The following CSMD1 variants were observed in gnomAD, a reference collection of about 807,000 sequenced individuals.
The protein encoded by CSMD1 is CUB and sushi domain-containing protein 1.
A neutral mutation model predicts 417.5 loss-of-function variants in CSMD1; 213 were observed. That is an observed-to-expected ratio of 0.51 (90% CI 0.46 to 0.57). The LOEUF is 0.57. Among genes scored for constraint, CSMD1 ranks in the 20% least tolerant of loss-of-function variants. CSMD1 has a pLI of 0.00. For missense variants in CSMD1, 6,923 were observed against 4,529.7 expected, an observed-to-expected ratio of 1.53 and a Z score of -15.17; for synonymous variants, 2,862 against 1,736.8, an observed-to-expected ratio of 1.65 and a Z score of -16.11.
chr8:3,358,561 A>G (rs1808949493), intron 21 of CSMD1, among the ~76,000 whole-genome samples: 1 of 152,126 alleles, frequency 6.6e-6, no homozygotes, highest in Non-Finnish European at 1.5e-5. Flanking sequence ...TGAGCCTAGT[A>G]CTTCATGGCA....
At chr8:3,368,136 A>T (rs575715400) in intron 19 of CSMD1, among the ~76,000 whole-genome samples, 1 of 152,256 alleles carries the variant, frequency 6.6e-6, no homozygotes, top group East Asian at 1.9e-4. Flanking sequence ...ATGATTATAA[A>T]ACTTTGATCA....
chr8:4,365,186 TA>T (rs1312245838), intron 3 of CSMD1, among the ~76,000 whole-genome samples: 1 of 152,202 alleles, frequency 6.6e-6, no homozygotes, highest in Admixed American at 6.5e-5. Flanking sequence ...TTGCTCACAA[TA>T]AATATTTGCA....
intron 1 of CSMD1, among the ~76,000 whole-genome samples, chr8:4,663,701 G>T (rs1488365502): frequency 6.6e-6 from 1 of 152,130 alleles, no homozygotes; most frequent in African/African-American, 2.4e-5. Flanking sequence ...CTACAGAACC[G>T]CAGGTCAACT....
At chr8:4,605,520 A>G (rs1800819689) in intron 2 of CSMD1, among the ~76,000 whole-genome samples, 1 of 152,236 alleles carries the variant, frequency 6.6e-6, no homozygotes, top group Admixed American at 6.5e-5. Flanking sequence ...CAGGAAACAG[A>G]GTTAACAGAA....
chr8:4,150,906 T>C (rs1335030880), intron 3 of CSMD1, among the ~76,000 whole-genome samples: 1 of 67,788 alleles, frequency 1.5e-5, no homozygotes, highest in African/African-American at 5.3e-5. Flanking sequence ...AGAGCAATGT[T>C]TTGTTCCCTC....
At chr8:3,673,697 G>A (rs1799209903) in intron 7 of CSMD1, among the ~76,000 whole-genome samples, 1 of 152,154 alleles carries the variant, frequency 6.6e-6, no homozygotes, top group South Asian at 2.1e-4. Context: ...CCAATCAGCT[G>A]GCTTGCTGCA....
intron 5 of CSMD1, among the ~76,000 whole-genome samples, chr8:3,874,611 G>C (rs1037821306): frequency 2.0e-5 from 3 of 152,132 alleles, no homozygotes; most frequent in East Asian, 1.9e-4. Context: ...AGTAGATTAA[G>C]TCTCACATGT....
At chr8:3,826,250 G>C (rs1052363757) in intron 5 of CSMD1, among the ~76,000 whole-genome samples, 1 of 152,172 alleles carries the variant, frequency 6.6e-6, no homozygotes, top group Non-Finnish European at 1.5e-5. Context: ...CATCTGGTCA[G>C]CCCAGGCACG....
chr8:3,057,744 A>G (rs1812332066), intron 49 of CSMD1, among the ~76,000 whole-genome samples: 1 of 152,178 alleles, frequency 6.6e-6, no homozygotes, highest in Admixed American at 6.5e-5. Flanking sequence ...GAATTCAGGT[A>G]GACTTTCTCA....
At chr8:3,812,939 G>C (rs6985883) in intron 5 of CSMD1, among the ~76,000 whole-genome samples, 5,579 of 152,198 alleles carry the variant, frequency 0.037, 173 homozygotes, top group African/African-American at 0.088. Context: ...ATAACGTCAG[G>C]TATCTATCAT....
intron 5 of CSMD1, among the ~76,000 whole-genome samples, chr8:3,996,409 G>A (rs1262590050): frequency 1.3e-5 from 2 of 151,386 alleles, no homozygotes; most frequent in African/African-American, 2.4e-5. Flanking sequence ...TAGAGCATAT[G>A]TACTAAAGAG....
chr8:4,468,189 G>C (rs1214199440), intron 2 of CSMD1, among the ~76,000 whole-genome samples: 1 of 152,098 alleles, frequency 6.6e-6, no homozygotes, highest in Admixed American at 6.5e-5. Flanking sequence ...GTCACGCTGT[G>C]TAAGTTGAGA....
chr8:4,139,287 C>T (rs1233844872), intron 3 of CSMD1, among the ~76,000 whole-genome samples: 1 of 152,184 alleles, frequency 6.6e-6, no homozygotes, highest in African/African-American at 2.4e-5. Flanking sequence ...AATTGGCACC[C>T]TGTGTCTTAC....
At chr8:4,676,023 G>C (rs1805661985) in intron 1 of CSMD1, among the ~76,000 whole-genome samples, 2 of 152,274 alleles carry the variant, frequency 1.3e-5, no homozygotes, top group African/African-American at 4.8e-5. Flanking sequence ...TGCAGTTTTT[G>C]AAGCAAATTA....
chr8:3,449,381 G>A (rs1264505060), intron 12 of CSMD1, among the ~76,000 whole-genome samples: 1 of 152,220 alleles, frequency 6.6e-6, no homozygotes, highest in East Asian at 1.9e-4. Context: ...AATGTCTCAT[G>A]GGTTGGCTTT....
Position 3,574,824 on chromosome 8 carries a change from C to G in CSMD1, c.1344+121G>C, listed in dbSNP as rs1800080694. Reference sequence around the variant, plus strand: ...ATCTAGACACAGGATGCAGCTGGAACTTTTAAATTCAAACAGTAAAGTGTA... The same window carrying G: ...ATCTAGACACAGGATGCAGCTGGAAGTTTTAAATTCAAACAGTAAAGTGTA... On this transcript the variant is annotated intron_variant, in intron 10 of 69. Coordinates refer to ENST00000635120, the MANE Select transcript of CSMD1 (RefSeq NM_033225.6). The G allele has an allele frequency of 3.4e-6, 4 of 1,192,100 alleles. No homozygotes were observed. In the South Asian group the frequency reaches 5.1e-5, roughly 15 times the overall value. The allele number at this position is 1,192,100 out of a possible 1,614,324, so 73.8% of individuals were successfully genotyped here.
At chr8:4,979,733 G>A (rs1390884245) in intron 1 of CSMD1, among the ~76,000 whole-genome samples, 1 of 152,146 alleles carries the variant, frequency 6.6e-6, no homozygotes, top group Admixed American at 6.5e-5. Context: ...AAATCATATT[G>A]ATATAAAACA....
At chr8:3,991,912 G>A (rs547581779) in intron 5 of CSMD1, among the ~76,000 whole-genome samples, 2 of 152,148 alleles carry the variant, frequency 1.3e-5, no homozygotes, top group South Asian at 4.1e-4. Flanking sequence ...AGTAGCAGTA[G>A]CAACTATTGT....
chr8:3,407,779 AATG>A, intron 14 of CSMD1, 117 bp downstream of exon 14: 1 of 856,156 alleles, frequency 1.2e-6, no homozygotes, highest in Non-Finnish European at 1.8e-6. Flanking sequence ...TCATTTTCAT[AATG>A]ATTATAAAAC....
Sources: allele counts gnomAD v4.1 joint callset (sites outside exome capture counted in the v4.1 genomes callset), GRCh38; gene constraint gnomAD v4.1.1; transcripts MANE v1.5; gene names NCBI Gene and HGNC (gene_info 2026-07-23, HGNC 2026-07-21).